CCDC171: variants seen among roughly 807,000 people sequenced by gnomAD.
CCDC171 encodes coiled-coil domain-containing protein 171.
CCDC171 carries 177 observed loss-of-function variants against 168.2 expected under a neutral mutation model. The observed-to-expected ratio is 1.05, with a 90% CI of 0.93 to 1.19. The LOEUF (loss-of-function observed/expected upper bound fraction) is 1.19. Among genes scored for constraint, CCDC171 ranks in the 50% most tolerant of loss-of-function variants. The pLI is 0.00. For missense variants in CCDC171, 1,991 were observed against 1,539.0 expected (o/e 1.29, Z -4.91); for synonymous variants, 687 against 540.8 (o/e 1.27, Z -3.75).
At chr9:15,867,987 A>T (rs1170849000) in intron 23 of CCDC171, among the ~76,000 whole-genome samples, 1 of 152,058 alleles carries the variant, frequency 6.6e-6, no homozygotes, top group African/African-American at 2.4e-5. Flanking sequence ...CCTATTTTCC[A>T]GCTTGATAAT....
At chr9:15,758,856 C>T (rs2056287322) in intron 18 of CCDC171, among the ~76,000 whole-genome samples, 1 of 152,108 alleles carries the variant, frequency 6.6e-6, no homozygotes, top group African/African-American at 2.4e-5. Context: ...TGAGATACGC[C>T]TTTCATCTTC....
At chr9:15,805,973 G>A (rs1225993850) in intron 21 of CCDC171, among the ~76,000 whole-genome samples, 1 of 151,822 alleles carries the variant, frequency 6.6e-6, no homozygotes, top group African/African-American at 2.4e-5. Flanking sequence ...AGTATAGTTA[G>A]CTCTTCTTGT....
chr9:15,758,538 C>T (rs553922806), intron 18 of CCDC171, among the ~76,000 whole-genome samples: 11 of 152,060 alleles, frequency 7.2e-5, no homozygotes, highest in Admixed American at 2.0e-4. Context: ...GAGTTAATGC[C>T]GAAATGAGTT....
At chr9:15,798,671 A>G (rs569458586) in intron 21 of CCDC171, among the ~76,000 whole-genome samples, 1 of 152,284 alleles carries the variant, frequency 6.6e-6, no homozygotes, top group South Asian at 2.1e-4. Flanking sequence ...TTGAAATGCT[A>G]CTATGCCCGT....
intron 11 of CCDC171, among the ~76,000 whole-genome samples, chr9:15,702,990 C>G (rs2051888125): frequency 6.6e-6 from 1 of 151,690 alleles, no homozygotes; most frequent in South Asian, 2.1e-4. Context: ...TGCAACCTCC[C>G]TCTCCTGGGT....
intron 25 of CCDC171, among the ~76,000 whole-genome samples, chr9:15,962,680 T>C (rs924332123): frequency 2.0e-5 from 3 of 152,118 alleles, no homozygotes; most frequent in Non-Finnish European, 2.9e-5. Flanking sequence ...GTTGATAACT[T>C]TCTCTCATGA....
At chr9:15,921,329 C>G (rs114298727) in intron 25 of CCDC171, among the ~76,000 whole-genome samples, 1,552 of 151,782 alleles carry the variant, frequency 0.01, 30 homozygotes, top group African/African-American at 0.036. Context: ...CCAGGGTATT[C>G]AAAATCACAA....
intron 7 of CCDC171, among the ~76,000 whole-genome samples, chr9:15,650,208 T>C (rs10738402): frequency 0.41 from 62,603 of 151,778 alleles, 14,542 homozygotes; most frequent in East Asian, 0.76. Flanking sequence ...ATGAGAACAC[T>C]TGGACACAGG....
the CCDC171 span, among the ~76,000 whole-genome samples, chr9:16,067,758 A>G: frequency 1.3e-5 from 2 of 152,196 alleles, no homozygotes. Flanking sequence ...GGTTTGTCAA[A>G]GATCAGATAG....
chr9:15,569,384 A>G (rs1187908036), intron 2 of CCDC171, among the ~76,000 whole-genome samples: 1 of 152,222 alleles, frequency 6.6e-6, no homozygotes, highest in Non-Finnish European at 1.5e-5. Flanking sequence ...TGAAGAATAA[A>G]TAAGTTTATA....
At chr9:15,975,329 C>A (rs998014736), downstream of CCDC171, among the ~76,000 whole-genome samples, 1 of 152,062 alleles carries the variant, frequency 6.6e-6, no homozygotes, top group African/African-American at 2.4e-5. Context: ...TTTTGAAACA[C>A]TGCTAGTCCT....
At chr9:16,053,182 C>T (rs1420258363) in intron 1 of CCDC171, among the ~76,000 whole-genome samples, 1 of 152,264 alleles carries the variant, frequency 6.6e-6, no homozygotes, top group East Asian at 1.9e-4. Flanking sequence ...CTACAGGCAG[C>T]TCCACTCTAG....
intron 24 of CCDC171, among the ~76,000 whole-genome samples, chr9:15,906,894 T>G (rs201054690): frequency 2.6e-5 from 4 of 151,754 alleles, no homozygotes; most frequent in Admixed American, 2.0e-4. Flanking sequence ...CAAGCAGACA[T>G]CCAAATCATG....
chr9:16,032,245 T>G (rs1340212562), intron 6 of CCDC171, among the ~76,000 whole-genome samples: 1 of 152,130 alleles, frequency 6.6e-6, no homozygotes, highest in East Asian at 1.9e-4. Context: ...GAGGAATGCA[T>G]TTTAGAAATG....
intron 18 of CCDC171, among the ~76,000 whole-genome samples, chr9:15,746,720 G>T (rs2134701360): frequency 6.6e-6 from 1 of 152,286 alleles, no homozygotes; most frequent in African/African-American, 2.4e-5. Flanking sequence ...TTCCAACTGA[G>T]GTACCTTGTT....
At chr9:16,075,405 T>A in the CCDC171 span, among the ~76,000 whole-genome samples, 368 of 152,342 alleles carry the variant, frequency 2.4e-3, 2 homozygotes, top group Middle Eastern at 0.01. Flanking sequence ...AATATATATA[T>A]TATGCTTATT....
intron 1 of CCDC171, among the ~76,000 whole-genome samples, chr9:16,050,613 G>A (rs545657514): frequency 3.3e-5 from 5 of 152,172 alleles, no homozygotes; most frequent in East Asian, 3.9e-4. Context: ...GTTCTAATTC[G>A]TTTTATGCAC....
chr9:16,086,480 G>T, the CCDC171 span, among the ~76,000 whole-genome samples: 56 of 151,930 alleles, frequency 3.7e-4, no homozygotes, highest in East Asian at 0.011. Context: ...GCTAATTTTT[G>T]TATTTTTAGT....
At chr9:15,903,513 C>T (rs914853515) in intron 24 of CCDC171, among the ~76,000 whole-genome samples, 1 of 151,990 alleles carries the variant, frequency 6.6e-6, no homozygotes, top group Non-Finnish European at 1.5e-5. Context: ...ACATCCACAC[C>T]AAAACCCCAT....
Sources: allele counts gnomAD v4.1 joint callset (sites outside exome capture counted in the v4.1 genomes callset), GRCh38; gene constraint gnomAD v4.1.1; transcripts MANE v1.5; gene names NCBI Gene and HGNC (gene_info 2026-07-23, HGNC 2026-07-21).